The following PSAT1 variants were observed in gnomAD, a reference collection of about 807,000 sequenced individuals.
PSAT1 encodes the protein phosphoserine aminotransferase.
In PSAT1, 41 loss-of-function variants were observed where a neutral mutation model predicts 40.3. The observed-to-expected ratio is 1.02, with a 90% CI of 0.79 to 1.32. PSAT1 has a LOEUF of 1.32. PSAT1 is among the 40% of genes most tolerant of loss of function. The probability of loss-of-function intolerance (pLI) is 0.00; values close to 1 mark genes in which losing one functional copy is unlikely to be tolerated. For missense variants in PSAT1, 406 were observed against 455.8 expected (o/e 0.89, Z 0.99); for synonymous variants, 147 against 170.5 (o/e 0.86, Z 1.07).
At chr9:78,302,327 G>T (rs1828118680) in intron 3 of PSAT1, among the ~76,000 whole-genome samples, 1 of 152,150 alleles carries the variant, frequency 6.6e-6, no homozygotes, top group Non-Finnish European at 1.5e-5. Context: ...AAATGACACA[G>T]AAATGGTCAT....
In PSAT1 at chr9:78,302,014, G is replaced by A. The variant is rs754847104; in HGVS notation, c.182G>A (p.Arg61Gln). 1.4e-5 allele frequency: 22 copies of A among 1,608,936 alleles called. No homozygotes were observed. Among genetic ancestry groups the A allele is most frequent in the South Asian group, 6.6e-5 (6 of 90,948 alleles). ...KIINNTENLV[R>Q]ELLAVPDNYK... ...ATTAACAATACAGAGAATCTTGTGC[G>A]GGAATTGCTGTAAGTTTTAAAAAGA... The change falls in exon 3 of 9, where the codon CGG becomes CAG. Residue 61 changes from arginine (R) to glutamine (Q), a missense_variant. By Grantham distance (43) the Arg-to-Gln change is conservative. Coordinates refer to ENST00000376588, the MANE Select transcript of PSAT1 (RefSeq NM_058179.4).
chr9:78,317,728 G>A lies in PSAT1; in HGVS notation c.793G>A (p.Ala265Thr), dbSNP rs764335664. 2.4e-5 allele frequency: 38 copies of A among 1,613,608 alleles called. No homozygotes were observed. The highest frequency in any genetic ancestry group is 1.7e-4 in the Admixed American group (10 of 59,984). Reference protein sequence around the residue: ...LEWIKNNGGAAAMEKLSSIKS... With the variant: ...LEWIKNNGGATAMEKLSSIKS... ...GTGGATTAAAAACAATGGAGGTGCC[G>A]CGGCCATGGAGAAGCTTAGCTCCAT... The change falls in exon 7 of 9, where the codon GCG (alanine) becomes ACG (threonine). Residue 265 changes from alanine to threonine, a missense_variant. Ala to Thr is a moderately conservative substitution (Grantham distance 58, BLOSUM62 0). Coordinates refer to ENST00000376588, the MANE Select transcript of PSAT1 (RefSeq NM_058179.4).
At chr9:78,314,876 A>T (rs1354332916) in intron 6 of PSAT1, among the ~76,000 whole-genome samples, 1 of 151,976 alleles carries the variant, frequency 6.6e-6, no homozygotes, top group East Asian at 2.0e-4. Flanking sequence ...ACCCTGGGCT[A>T]ACACAGAGCT....
intron 7 of PSAT1, among the ~76,000 whole-genome samples, chr9:78,327,240 T>C (rs1345324944): frequency 6.6e-6 from 1 of 151,664 alleles, no homozygotes; most frequent in East Asian, 1.9e-4. Flanking sequence ...GGATTATAGG[T>C]GTGAGCCACC....
chr9:78,297,607 C>T (rs557167577), intron 1 of PSAT1, among the ~76,000 whole-genome samples: 4 of 152,182 alleles, frequency 2.6e-5, no homozygotes, highest in Non-Finnish European at 5.9e-5. Context: ...TGGGCCGGTC[C>T]GGGGGCTGGG....
chr9:78,321,418 A>G (rs1409145805), intron 7 of PSAT1, among the ~76,000 whole-genome samples: 1 of 152,206 alleles, frequency 6.6e-6, no homozygotes, highest in Non-Finnish European at 1.5e-5. Context: ...GGAACTATGG[A>G]AATAGTTGAG....
intron 5 of PSAT1, among the ~76,000 whole-genome samples, chr9:78,306,767 G>A (rs1828190683): frequency 6.6e-6 from 1 of 152,202 alleles, no homozygotes; most frequent in African/African-American, 2.4e-5. Context: ...AACGTGTTTG[G>A]TCAACAGACG....
intron 6 of PSAT1, among the ~76,000 whole-genome samples, chr9:78,314,310 T>C (rs1828308955): frequency 7.9e-6 from 1 of 125,880 alleles, no homozygotes; most frequent in African/African-American, 3.1e-5. Flanking sequence ...TATCCTGTGT[T>C]AAGTAGAGTC....
At chr9:78,324,611 G>T (rs1035953840) in intron 7 of PSAT1, among the ~76,000 whole-genome samples, 13 of 152,232 alleles carry the variant, frequency 8.5e-5, no homozygotes, top group Non-Finnish European at 8.8e-5. Context: ...TGCTTGACGG[G>T]GTCACCCATG....
At chr9:78,301,752 A>G (rs555978316) in intron 2 of PSAT1, among the ~76,000 whole-genome samples, 1 of 152,354 alleles carries the variant, frequency 6.6e-6, no homozygotes, top group East Asian at 1.9e-4. Context: ...TCCTTCTGCC[A>G]TGACTATAAA....
At chr9:78,319,633 G>A (rs1828398030) in intron 7 of PSAT1, among the ~76,000 whole-genome samples, 1 of 152,226 alleles carries the variant, frequency 6.6e-6, no homozygotes, top group Admixed American at 6.5e-5. Context: ...TCATAGCCAA[G>A]GGCTAAAGAA....
At chr9:78,305,068 G>A (rs1268890962) in intron 4 of PSAT1, 128 bp downstream of exon 4, 2 of 839,210 alleles carry the variant, frequency 2.4e-6, no homozygotes, top group African/African-American at 3.4e-5. Flanking sequence ...TAGATTGGGT[G>A]GCTGTACTAG....
chr9:78,300,725 T>C, intron 2 of PSAT1, 63 bp downstream of exon 2: 2 of 1,505,418 alleles, frequency 1.3e-6, no homozygotes, highest in Non-Finnish European at 1.8e-6. Flanking sequence ...TTTTTTTTTT[T>C]TTTTTTTAGA....
intron 5 of PSAT1, 40 bp from the exon 6 acceptor site, chr9:78,308,374 G>A: frequency 6.2e-7 from 1 of 1,604,772 alleles, no homozygotes; most frequent in Admixed American, 1.7e-5. Flanking sequence ...ATGAAAAATG[G>A]CCAAATCCTT....
intron 6 of PSAT1, among the ~76,000 whole-genome samples, chr9:78,312,113 G>A (rs1316179870): frequency 6.7e-6 from 1 of 150,306 alleles, no homozygotes; most frequent in African/African-American, 2.5e-5. Context: ...ATTTAATTGT[G>A]CTGGATAAAA....
intron 7 of PSAT1, among the ~76,000 whole-genome samples, chr9:78,319,659 G>A (rs934161178): frequency 6.6e-6 from 1 of 152,234 alleles, no homozygotes; most frequent in Admixed American, 6.5e-5. Flanking sequence ...CATGAGCCTG[G>A]AAAAGGGGGA....
At chr9:78,298,137 T>G in intron 1 of PSAT1, among the ~76,000 whole-genome samples, 1 of 152,250 alleles carries the variant, frequency 6.6e-6, no homozygotes, top group Non-Finnish European at 1.5e-5. Flanking sequence ...ACTCTCTGCC[T>G]TCCCAGGCCC....
At chr9:78,318,414 A>G (rs930987991) in intron 7 of PSAT1, among the ~76,000 whole-genome samples, 1 of 152,172 alleles carries the variant, frequency 6.6e-6, no homozygotes, top group Non-Finnish European at 1.5e-5. Flanking sequence ...TGGGTCTTGT[A>G]TTAGTTTCCT....
Position 78,300,519 on chromosome 9 carries a change from T to C in PSAT1, c.61-83T>C, listed in dbSNP as rs1828091665. On this transcript the variant is annotated intron_variant, in intron 1 of 8. Coordinates refer to ENST00000376588, the MANE Select transcript of PSAT1 (RefSeq NM_058179.4). ...GGACCTCACTGTAGACCCTTCCTTGTCCCCTCGTCAGGTTTGTATGTTCAG... is the reference window on the plus strand; with the variant it reads ...GGACCTCACTGTAGACCCTTCCTTGCCCCCTCGTCAGGTTTGTATGTTCAG... The C allele has an allele frequency of 2.7e-6, 4 of 1,508,380 alleles. No homozygotes were observed. The South Asian group carries it at 5.1e-5, about 19-fold the overall frequency. The allele number at this position is 1,508,380 out of a possible 1,614,324, so 93.4% of individuals were successfully genotyped here.
Sources: gnomAD v4.1 joint callset for allele counts (sites outside exome capture counted in the v4.1 genomes callset) on GRCh38, gnomAD v4.1.1 for gene constraint, MANE v1.5 for transcripts, NCBI Gene and HGNC (gene_info 2026-07-23, HGNC 2026-07-21) for gene names.